Variants in DCAF8L2 observed in about 807,000 individuals in gnomAD.
DCAF8L2 encodes the protein DDB1 and CUL4 associated factor 8 like 2.
For missense variants in DCAF8L2, 430 were observed against 490.7 expected, an observed-to-expected ratio of 0.88 and a Z score of 1.17; for synonymous variants, 200 against 190.9, an observed-to-expected ratio of 1.05 and a Z score of -0.39.
At chrX:27,528,426 ATATATATGTATGTG>A in the DCAF8L2 span, among the ~76,000 whole-genome samples, 678 of 104,776 alleles carry the variant, frequency 6.5e-3, 8 homozygotes, top group African/African-American at 0.022. Flanking sequence ...TCTGTTTTAC[ATATATATGTATGTG>A]TATATATACA....
Position 27,748,355 on chromosome X carries a change from G to T in DCAF8L2, c.1460G>T (p.Ser487Ile). ...GGCCCCAGGAGTGAGTTTGTAGTGA[G>T]CGGTAGTGATTGCGGGCACATCTTC... ...FYGPRSEFVV[S>I]GSDCGHIFFW... is the part of the protein sequence containing the mutation. The change falls in exon 5 of 5, where the codon AGC becomes ATC. Residue 487 changes from serine (S) to isoleucine (I), a missense_variant. Ser to Ile is a moderately radical substitution (Grantham distance 142). Coordinates refer to ENST00000451261, the MANE Select transcript of DCAF8L2 (RefSeq NM_001353450.2). The T allele has an allele frequency of 8.3e-7, 1 of 1,207,263 alleles. No individual in the cohort carries two copies.
At chrX:27,580,710 G>C in the DCAF8L2 span, among the ~76,000 whole-genome samples, 1 of 111,491 alleles carries the variant, frequency 9.0e-6, no homozygotes, top group East Asian at 2.8e-4. Context: ...TGAAAAGGTG[G>C]TTCCAGTGGA....
At chrX:27,696,794 A>G (rs1930942595) in intron 3 of DCAF8L2, among the ~76,000 whole-genome samples, 1 of 111,801 alleles carries the variant, frequency 8.9e-6, no homozygotes, top group South Asian at 3.7e-4. Flanking sequence ...TGATTCTTGA[A>G]TCTCTCTTTA....
chrX:27,724,485 T>G (rs1275777345), intron 4 of DCAF8L2, among the ~76,000 whole-genome samples: 1 of 110,828 alleles, frequency 9.0e-6, no homozygotes, highest in Non-Finnish European at 1.9e-5. Context: ...AAACTGAGTT[T>G]GTAACTGTTT....
At chrX:27,472,091 T>G in the DCAF8L2 span, among the ~76,000 whole-genome samples, 1 of 111,895 alleles carries the variant, frequency 8.9e-6, no homozygotes, top group Admixed American at 9.5e-5. Flanking sequence ...ACCCTGGTAG[T>G]CAGACTCAAG....
intron 3 of DCAF8L2, among the ~76,000 whole-genome samples, chrX:27,693,979 A>G (rs921713529): frequency 2.7e-5 from 3 of 112,061 alleles, no homozygotes; most frequent in Non-Finnish European, 5.6e-5. Context: ...TCAATGGTGG[A>G]TTGGATAAAG....
the DCAF8L2 span, among the ~76,000 whole-genome samples, chrX:27,526,865 T>C: frequency 8.9e-6 from 1 of 112,482 alleles, no homozygotes; most frequent in African/African-American, 3.2e-5. Context: ...CAAATGTTGC[T>C]GTTTGATCGT....
intron 1 of DCAF8L2, among the ~76,000 whole-genome samples, chrX:27,622,315 CTA>C (rs1180765048): frequency 3.9e-5 from 4 of 101,449 alleles, no homozygotes; most frequent in African/African-American, 8.6e-5. Flanking sequence ...TTCCTAGCTA[CTA>C]GGGAGGCTGA....
intron 1 of DCAF8L2, among the ~76,000 whole-genome samples, chrX:27,631,479 C>T (rs1928288646): frequency 8.9e-6 from 1 of 112,302 alleles, no homozygotes; most frequent in Non-Finnish European, 1.9e-5. Flanking sequence ...AGTCATTAGC[C>T]ACGTGTGGCT....
intron 2 of DCAF8L2, among the ~76,000 whole-genome samples, chrX:27,639,799 AT>A (rs1928637881): frequency 2.7e-5 from 3 of 111,767 alleles, no homozygotes. Context: ...CTGTACTGGC[AT>A]TTTTCATAGA....
chrX:27,526,722 T>C, the DCAF8L2 span, among the ~76,000 whole-genome samples: 1 of 112,810 alleles, frequency 8.9e-6, no homozygotes, highest in Non-Finnish European at 1.9e-5. Flanking sequence ...GTCCTTTCTG[T>C]TTGTTAGTTT....
At chrX:27,581,471 G>C in the DCAF8L2 span, among the ~76,000 whole-genome samples, 1 of 111,552 alleles carries the variant, frequency 9.0e-6, no homozygotes. Flanking sequence ...AGTTGATTCT[G>C]GGTATTTTCA....
At chrX:27,678,820 T>A (rs184507433) in intron 3 of DCAF8L2, among the ~76,000 whole-genome samples, 1 of 111,904 alleles carries the variant, frequency 8.9e-6, no homozygotes, top group African/African-American at 3.2e-5. Context: ...TTCAAAGTGG[T>A]TAAAATGGTA....
intron 1 of DCAF8L2, among the ~76,000 whole-genome samples, chrX:27,590,991 T>TTTTATATATATATATA (rs761150025): frequency 1.0e-3 from 69 of 68,068 alleles, no homozygotes; most frequent in Admixed American, 2.8e-3. Flanking sequence ...CCTTTACATT[T>TTTTATATATATATATA]TATATATATA....
the DCAF8L2 span, among the ~76,000 whole-genome samples, chrX:27,583,160 C>T: frequency 4.3e-3 from 484 of 111,509 alleles, 3 homozygotes; most frequent in Non-Finnish European, 6.3e-3. Context: ...TCTGGGTATT[C>T]ATTTTCTCCT....
chrX:27,508,415 T>C, the DCAF8L2 span, among the ~76,000 whole-genome samples: 1 of 110,237 alleles, frequency 9.1e-6, no homozygotes, highest in Non-Finnish European at 1.9e-5. Flanking sequence ...CCAGAGAGAG[T>C]GCACTAAGTC....
chrX:27,630,257 CTTCT>C (rs1474420121), intron 1 of DCAF8L2, among the ~76,000 whole-genome samples: 6 of 111,498 alleles, frequency 5.4e-5, no homozygotes, highest in African/African-American at 1.6e-4. Flanking sequence ...AATAATTTTA[CTTCT>C]TTATTATTAG....
rs1922218538 is a variant in DCAF8L2, at chrX:27,747,086, A to G, written c.191A>G (p.Asn64Ser). Residue 64 changes from asparagine (N) to serine (S), a missense_variant, in exon 5 of 5, where the codon AAC (asparagine) becomes AGC (serine). Transcript: ENST00000451261. ...GSDSRDGGFP[N>S]DASTENRSSD... The stretch of plus-strand genomic sequence containing the variant: ...GATAGCAGGGATGGTGGATTCCCCA[A>G]CGATGCCAGCACAGAAAATCGAAGC... 1.7e-6 allele frequency: 2 copies of G among 1,166,421 alleles called. No homozygotes were observed. The highest frequency in any genetic ancestry group is 1.9e-5 in the South Asian group (1 of 52,565).
chrX:27,594,372 G>A (rs1485058643), intron 1 of DCAF8L2, among the ~76,000 whole-genome samples: 2 of 110,846 alleles, frequency 1.8e-5, no homozygotes, highest in African/African-American at 6.5e-5. Flanking sequence ...ATGACAAATG[G>A]TATCAGTCAT....
Sources: allele counts gnomAD v4.1 joint callset (sites outside exome capture counted in the v4.1 genomes callset), GRCh38; gene constraint gnomAD v4.1.1; transcripts MANE v1.5; gene names NCBI Gene and HGNC (gene_info 2026-07-23, HGNC 2026-07-21).